The following RAB31 variants were observed in gnomAD, a reference collection of about 807,000 sequenced individuals.
RAB31 encodes the protein RAB31, member RAS oncogene family, also known as ras-related protein Rab-31.
A neutral mutation model predicts 25.6 loss-of-function variants in RAB31; 21 were observed. That is an observed-to-expected ratio of 0.82 (90% CI 0.58 to 1.18). RAB31 has a LOEUF of 1.18. RAB31 is among the 50% of genes most tolerant of loss of function. The probability of loss-of-function intolerance (pLI) is 0.00; values close to 1 mark genes in which losing one functional copy is unlikely to be tolerated. For synonymous variants in RAB31, 87 were observed against 84.0 expected (o/e 1.04, Z -0.20); for missense variants, 196 against 250.1 (o/e 0.78, Z 1.46).
At chr18:9,764,744 C>T (rs2068306682) in intron 1 of RAB31, among the ~76,000 whole-genome samples, 1 of 151,952 alleles carries the variant, frequency 6.6e-6, no homozygotes, top group Admixed American at 6.6e-5. Context: ...TGTATGTGGG[C>T]TTCTGATTCT....
intron 1 of RAB31, among the ~76,000 whole-genome samples, chr18:9,712,322 C>T (rs186189843): frequency 1.1e-4 from 16 of 152,316 alleles, no homozygotes; most frequent in Middle Eastern, 3.4e-3. Flanking sequence ...ATGGGGACAG[C>T]CCAGCAAGCC....
chr18:9,785,449 C>G (rs2068426813), intron 2 of RAB31, among the ~76,000 whole-genome samples: 1 of 152,142 alleles, frequency 6.6e-6, no homozygotes, highest in East Asian at 1.9e-4. Context: ...GGTAGGGTGT[C>G]ATGATATATA....
intron 5 of RAB31, among the ~76,000 whole-genome samples, chr18:9,821,621 A>G (rs1264174792): frequency 6.6e-6 from 1 of 152,176 alleles, no homozygotes; most frequent in Non-Finnish European, 1.5e-5. Flanking sequence ...GGGATACAAA[A>G]GCAACGTGGA....
intron 3 of RAB31, among the ~76,000 whole-genome samples, chr18:9,799,599 C>T (rs1022540413): frequency 3.4e-4 from 52 of 152,134 alleles, no homozygotes; most frequent in African/African-American, 9.9e-4. Flanking sequence ...TGGGCTCAAG[C>T]GATTCTCCCG....
chr18:9,782,510 C>T (rs115210847), intron 2 of RAB31, among the ~76,000 whole-genome samples: 3,395 of 152,290 alleles, frequency 0.022, 59 homozygotes, highest in South Asian at 0.092. Flanking sequence ...AAGCAGATTG[C>T]ATTAACATCT....
intron 5 of RAB31, among the ~76,000 whole-genome samples, chr18:9,845,352 C>G (rs189212826): frequency 6.6e-6 from 1 of 152,184 alleles, no homozygotes. Flanking sequence ...TCTGTGGGAG[C>G]AGGAACACTA....
chr18:9,803,841 C>T (rs558029873), intron 3 of RAB31, among the ~76,000 whole-genome samples: 8 of 152,346 alleles, frequency 5.3e-5, no homozygotes, highest in East Asian at 1.9e-4. Flanking sequence ...GGTCCACAGA[C>T]GTGGCCCCCA....
chr18:9,783,980 T>A (rs1430633217), intron 2 of RAB31, among the ~76,000 whole-genome samples: 1 of 152,244 alleles, frequency 6.6e-6, no homozygotes, highest in African/African-American at 2.4e-5. Context: ...GTTTGGCACA[T>A]GTAGCAAAAG....
chr18:9,715,094 C>T (rs902829652), intron 1 of RAB31, among the ~76,000 whole-genome samples: 1 of 152,090 alleles, frequency 6.6e-6, no homozygotes, highest in South Asian at 2.1e-4. Flanking sequence ...CTGTGCCACA[C>T]GCACAGGAAC....
At chr18:9,817,227 G>A (rs2068603573) in intron 5 of RAB31, among the ~76,000 whole-genome samples, 1 of 152,094 alleles carries the variant, frequency 6.6e-6, no homozygotes. Context: ...CCCTAATTAT[G>A]GGACTAATGT....
chr18:9,772,596 T>A (rs2068350926), intron 1 of RAB31, among the ~76,000 whole-genome samples: 1 of 152,146 alleles, frequency 6.6e-6, no homozygotes, highest in Admixed American at 6.5e-5. Flanking sequence ...GAGTGAAGAA[T>A]GAGTGAATGA....
Position 9,828,111 on chromosome 18 carries a change from A to G in RAB31, c.380+12889A>G, listed in dbSNP as rs896034944. 2.0e-5 allele frequency among the ~76,000 whole-genome samples: 3 copies of G among 152,106 alleles called. No individual in the cohort carries two copies. In the South Asian group the frequency reaches 6.2e-4, roughly 32 times the overall value. On this transcript the variant is annotated intron_variant, in intron 5 of 6. Transcript: ENST00000578921. ...CAGGAAGGGGCAAGATCTGGAACGA[A>G]GGCCTGGAGGTGGGAGCGAGCTTGG...
At chr18:9,758,323 T>C (rs1163860886) in intron 1 of RAB31, among the ~76,000 whole-genome samples, 2 of 152,058 alleles carry the variant, frequency 1.3e-5, no homozygotes, top group African/African-American at 4.8e-5. Flanking sequence ...CCCAGGCCCC[T>C]CCATCCACAT....
Position 9,860,758 on chromosome 18 carries a change from G to A in RAB31, c.*1433G>A, listed in dbSNP as rs610532. ...TCTTTGCCATGAGCATTCAAGGGACGGCTAACCTTTATTGACAATCTATAT... is the reference window on the plus strand; with the variant it reads ...TCTTTGCCATGAGCATTCAAGGGACAGCTAACCTTTATTGACAATCTATAT... On this transcript the variant is annotated 3_prime_UTR_variant, in exon 7 of 7. Transcript: ENST00000578921. 0.66 allele frequency: 100,913 copies of A among 152,028 alleles called. 34,017 individuals carry two copies. The highest frequency in any genetic ancestry group is 0.78 in the East Asian group (4,045 of 5,170). The allele number at this position is 152,028 out of a possible 1,614,324, so 9.4% of individuals were successfully genotyped here. A position where few individuals can be genotyped will look rare whatever the true frequency, so the allele number is the denominator to read the frequency against.
intron 5 of RAB31, among the ~76,000 whole-genome samples, chr18:9,834,248 T>G (rs2068693494): frequency 6.6e-6 from 1 of 152,182 alleles, no homozygotes; most frequent in Non-Finnish European, 1.5e-5. Flanking sequence ...CCCTAGTAGC[T>G]GGGACTACAG....
chr18:9,783,300 T>C (rs565915449), intron 2 of RAB31, among the ~76,000 whole-genome samples: 52 of 152,290 alleles, frequency 3.4e-4, no homozygotes, highest in Admixed American at 1.6e-3. Context: ...TGAGGGCCTC[T>C]GCTTCCTCTT....
chr18:9,746,040 CAACTACTGG>C (rs1365188956), intron 1 of RAB31, among the ~76,000 whole-genome samples: 1 of 152,156 alleles, frequency 6.6e-6, no homozygotes, highest in East Asian at 1.9e-4. Context: ...TCACAAAAAA[CAACTACTGG>C]AACTAATACA....
At chr18:9,758,814 C>T (rs1257569137) in intron 1 of RAB31, among the ~76,000 whole-genome samples, 3 of 152,014 alleles carry the variant, frequency 2.0e-5, no homozygotes, top group Non-Finnish European at 4.4e-5. Context: ...GTCTATCTCC[C>T]CATGAGGACA....
At position 9,860,529 on chromosome 18, in the gene RAB31, A is replaced by C. The variant is rs1290667753; in HGVS notation, c.*1204A>C. The C allele has an allele frequency of 2.0e-5, 3 of 152,226 alleles. No individual in the cohort carries two copies. The highest frequency in any genetic ancestry group is 2.0e-4 in the Admixed American group (3 of 15,276). The allele number at this position is 152,226 out of a possible 1,614,324, so 9.4% of individuals were successfully genotyped here. On this transcript the variant is annotated 3_prime_UTR_variant, in exon 7 of 7. Coordinates refer to ENST00000578921, the MANE Select transcript of RAB31 (RefSeq NM_006868.4). ...GTTTGAATCCAAAGGAAGTCAAGGA[A>C]GAAAAAGCATGGAAAGGAAGAGAAC... is the stretch of plus-strand genomic sequence containing the variant.
Sources: allele counts gnomAD v4.1 joint callset (sites outside exome capture counted in the v4.1 genomes callset), GRCh38; gene constraint gnomAD v4.1.1; transcripts MANE v1.5; gene names NCBI Gene and HGNC (gene_info 2026-07-23, HGNC 2026-07-21).